SEC22C: variants seen among roughly 807,000 people sequenced by gnomAD.
SEC22C encodes the protein vesicle-trafficking protein SEC22c.
In SEC22C, 29 loss-of-function variants were observed where a neutral mutation model predicts 34.7. The ratio of observed to expected loss-of-function variants is 0.84; its 90% CI spans 0.62 to 1.14. SEC22C has a LOEUF of 1.14. SEC22C is among the 50% of genes most tolerant of loss of function. The probability of loss-of-function intolerance (pLI) is 0.00; values close to 1 mark genes in which losing one functional copy is unlikely to be tolerated. For synonymous variants in SEC22C, 117 were observed against 132.8 expected (o/e 0.88, Z 0.82); for missense variants, 337 against 369.0 (o/e 0.91, Z 0.71).
intron 1 of SEC22C, among the ~76,000 whole-genome samples, chr3:42,580,757 CCTT>C (rs1451333338): frequency 1.3e-5 from 2 of 152,202 alleles, no homozygotes; most frequent in African/African-American, 2.4e-5. Context: ...TCCACCACAT[CCTT>C]CTTCTACAAA....
chr3:42,568,228 G>A (rs1423829205), intron 2 of SEC22C, among the ~76,000 whole-genome samples: 2 of 151,446 alleles, frequency 1.3e-5, no homozygotes, highest in Non-Finnish European at 2.9e-5. Context: ...TTATAATCTA[G>A]TATCTCCTCC....
chr3:42,563,971 T>C, intron 2 of SEC22C: 1 of 1,316,858 alleles, frequency 7.6e-7, no homozygotes, highest in Non-Finnish European at 9.9e-7. Flanking sequence ...AGCCTCAGAC[T>C]TCTCCACATC....
In SEC22C at chr3:42,549,911, T is replaced by A. The variant is rs34077739; in HGVS notation, c.*3337A>T. 2.0e-6 allele frequency: 2 copies of A among 985,308 alleles called. No individual in the cohort carries two copies. The highest frequency in any genetic ancestry group is 3.5e-5 in the African/African-American group (2 of 57,236). The allele number at this position is 985,308 out of a possible 1,614,324, so 61.0% of individuals were successfully genotyped here. ...GCAAAAGCAGGAGCTTATGGTCACA[T>A]GCCTCCAGCTGCAGGCAGTGGGGCC... On this transcript the variant is annotated 3_prime_UTR_variant, in exon 7 of 7. Transcript: ENST00000264454.
intron 1 of SEC22C, among the ~76,000 whole-genome samples, chr3:42,593,839 G>A (rs1255203737): frequency 6.6e-6 from 1 of 152,186 alleles, no homozygotes; most frequent in African/African-American, 2.4e-5. Context: ...CAGCTATGCA[G>A]TAGTAAGGCA....
chr3:42,591,143 C>A, intron 1 of SEC22C: 1 of 676,544 alleles, frequency 1.5e-6, no homozygotes, highest in Admixed American at 2.3e-5. Flanking sequence ...GGCAGGACCC[C>A]GGCATGGGGT....
chr3:42,572,941 T>C (rs1365796455), intron 1 of SEC22C, among the ~76,000 whole-genome samples: 2 of 152,206 alleles, frequency 1.3e-5, no homozygotes, highest in Non-Finnish European at 2.9e-5. Context: ...CATGGCTCAC[T>C]GCAGCCTCGA....
intron 4 of SEC22C, among the ~76,000 whole-genome samples, chr3:42,558,119 A>G (rs576846217): frequency 4.6e-5 from 7 of 152,324 alleles, no homozygotes; most frequent in African/African-American, 1.4e-4. Context: ...ACATCCTACA[A>G]TGAATGCACA....
At position 42,552,400 on chromosome 3, in the gene SEC22C, A is replaced by G; in HGVS notation, c.*848T>C. The G allele has an allele frequency of 1.0e-6, 1 of 985,448 alleles. No homozygotes were observed. The highest frequency in any genetic ancestry group is 1.2e-6 in the Non-Finnish European group (1 of 829,938). 61.0% of individuals were successfully genotyped at this position (985,448 alleles called of 1,614,324 possible). A position where few individuals can be genotyped will look rare whatever the true frequency, so the allele number is the denominator to read the frequency against. Reference sequence around the variant, plus strand: ...CAAGCGGATCTGTAAAGTGCCACTGAATCCATGTTCATTCACCTACTCCAG... The same window carrying G: ...CAAGCGGATCTGTAAAGTGCCACTGGATCCATGTTCATTCACCTACTCCAG... On this transcript the variant is annotated 3_prime_UTR_variant, in exon 7 of 7. Coordinates refer to ENST00000264454, the MANE Select transcript of SEC22C (RefSeq NM_032970.4).
At chr3:42,560,960 C>A (rs1702864910) in intron 4 of SEC22C, among the ~76,000 whole-genome samples, 157 bp downstream of exon 4, 1 of 151,970 alleles carries the variant, frequency 6.6e-6, no homozygotes, top group African/African-American at 2.4e-5. Context: ...GTTTTTATAA[C>A]AGCCACCAAG....
At chr3:42,593,644 A>G (rs1266422022) in intron 1 of SEC22C, among the ~76,000 whole-genome samples, 1 of 152,130 alleles carries the variant, frequency 6.6e-6, no homozygotes, top group Non-Finnish European at 1.5e-5. Flanking sequence ...TAAAACAGAT[A>G]CCAGCTCTGC....
At chr3:42,590,661 A>C (rs907025893) in intron 1 of SEC22C, 2 of 597,052 alleles carry the variant, frequency 3.3e-6, no homozygotes, top group East Asian at 2.8e-5. Context: ...CCCAGCCCCA[A>C]CCCACAAGTT....
chr3:42,568,758 G>C (rs1306475661), intron 2 of SEC22C, 107 bp downstream of exon 2: 5 of 903,380 alleles, frequency 5.5e-6, no homozygotes, highest in East Asian at 5.3e-5. Context: ...ACTGATGCTA[G>C]ATCTACTTTT....
chr3:42,548,659 T>C lies in SEC22C; in HGVS notation c.*4589A>G, dbSNP rs1338534803. The C allele has an allele frequency of 1.2e-6, 2 of 1,614,058 alleles. No individual in the cohort carries two copies. The highest frequency in any genetic ancestry group is 1.3e-5 in the African/African-American group (1 of 75,036). ...CCAGCAGAACCAGCTCCTTGGATCC[T>C]GGAATAAACCAAACATCAATGGTAC... On this transcript the variant is annotated 3_prime_UTR_variant, in exon 7 of 7. Transcript: ENST00000264454.
intron 1 of SEC22C, among the ~76,000 whole-genome samples, chr3:42,597,739 TTGTTAG>T (rs1325647546): frequency 2.0e-5 from 3 of 152,224 alleles, no homozygotes; most frequent in Admixed American, 6.5e-5. Flanking sequence ...TCATTGGCTA[TTGTTAG>T]TGTTAGTGTA....
upstream of SEC22C, among the ~76,000 whole-genome samples, chr3:42,583,686 A>G (rs1704510188): frequency 6.6e-6 from 1 of 152,182 alleles, no homozygotes; most frequent in South Asian, 2.1e-4. Flanking sequence ...GGACTGAGTA[A>G]GGAAGATCTG....
At chr3:42,583,811 G>A (rs115485240), upstream of SEC22C, among the ~76,000 whole-genome samples, 686 of 152,222 alleles carry the variant, frequency 4.5e-3, 4 homozygotes, top group African/African-American at 0.015. Context: ...AGAATTCCCC[G>A]TTCCCCTAAT....
intron 1 of SEC22C, among the ~76,000 whole-genome samples, chr3:42,570,771 G>A (rs936730827): frequency 2.0e-5 from 3 of 152,010 alleles, no homozygotes; most frequent in Admixed American, 1.3e-4. Context: ...CTATACTTTC[G>A]TAAGTATTTG....
chr3:42,559,193 T>A (rs1208897970), intron 4 of SEC22C, among the ~76,000 whole-genome samples: 1 of 152,196 alleles, frequency 6.6e-6, no homozygotes. Context: ...CACACACAAA[T>A]ACCTCGCCAC....
chr3:42,596,730 A>C (rs1234144382), intron 1 of SEC22C, among the ~76,000 whole-genome samples: 1 of 152,252 alleles, frequency 6.6e-6, no homozygotes, highest in Non-Finnish European at 1.5e-5. Context: ...TGAGAGAGGC[A>C]GAACCTTAGA....
Sources: gnomAD v4.1 joint callset for allele counts (sites outside exome capture counted in the v4.1 genomes callset) on GRCh38, gnomAD v4.1.1 for gene constraint, MANE v1.5 for transcripts, NCBI Gene and HGNC (gene_info 2026-07-23, HGNC 2026-07-21) for gene names.